The following DDX55 variants were observed in gnomAD, a reference collection of about 807,000 sequenced individuals.
The protein encoded by DDX55 is ATP-dependent RNA helicase DDX55.
DDX55 carries 56 observed loss-of-function variants against 69.2 expected under a neutral mutation model. That is an observed-to-expected ratio of 0.81 (90% confidence interval 0.65 to 1.01). The LOEUF is 1.01. Among genes scored for constraint, DDX55 ranks in the 50% least tolerant of loss-of-function variants. DDX55 has a pLI of 0.00. For missense variants in DDX55, 720 were observed against 745.1 expected, an observed-to-expected ratio of 0.97 and a Z score of 0.39; for synonymous variants, 268 against 273.1, an observed-to-expected ratio of 0.98 and a Z score of 0.18.
intron 8 of DDX55, 85 bp from the exon 9 acceptor site, chr12:123,615,100 T>G: frequency 6.3e-7 from 1 of 1,578,488 alleles, no homozygotes; most frequent in African/African-American, 1.4e-5. Context: ...TTGCGTCTGC[T>G]GCAGCTATTG....
Position 123,602,181 on chromosome 12 carries a change from G to C in DDX55, c.33G>C (p.Ser11=), listed in dbSNP as rs986350685. 1.3e-6 allele frequency: 2 copies of C among 1,565,724 alleles called. No individual in the cohort carries two copies. Among genetic ancestry groups the C allele is most frequent in the Non-Finnish European group, 1.7e-6 (2 of 1,157,578 alleles). ...ATGTGACAGAGGGCTCCTGGGAGTC[G>C]CTGCCTGTGCCGCTGCACCCGCAGG... The part of the protein sequence containing the change: MEHVTEGSWE[S]LPVPLHPQVL... The change falls in exon 1 of 14, where the codon TCG becomes TCC. Residue 11 remains serine, a synonymous_variant. Coordinates refer to ENST00000238146, the MANE Select transcript of DDX55 (RefSeq NM_020936.3).
At position 123,620,200 on chromosome 12, in the gene DDX55, C is replaced by A; in HGVS notation, c.*60C>A. The A allele has an allele frequency of 6.6e-7, 1 of 1,518,132 alleles. No homozygotes were observed. The highest frequency in any genetic ancestry group is 8.9e-7 in the Non-Finnish European group (1 of 1,124,786). The allele number at this position is 1,518,132 out of a possible 1,614,324, so 94.0% of individuals were successfully genotyped here. A position where few individuals can be genotyped will look rare whatever the true frequency, so the allele number is the denominator to read the frequency against. On this transcript the variant is annotated 3_prime_UTR_variant, in exon 14 of 14. Transcript: ENST00000238146. ...CTGTTCCCTAACTTGGTGGATGGCT[C>A]CAGTTTGCTTTTAACGAAAATCACA... is the stretch of plus-strand genomic sequence containing the variant.
chr12:123,609,112 C>A (rs1343757578), intron 6 of DDX55, among the ~76,000 whole-genome samples: 2 of 151,996 alleles, frequency 1.3e-5, no homozygotes, highest in South Asian at 2.1e-4. Flanking sequence ...CACCACCATG[C>A]CTGGATGGTT....
intron 7 of DDX55, among the ~76,000 whole-genome samples, chr12:123,611,862 G>A (rs958984207): frequency 1.3e-5 from 2 of 152,204 alleles, no homozygotes; most frequent in African/African-American, 4.8e-5. Context: ...ATGGGCGCTA[G>A]AGCAGGACTG....
chr12:123,606,105 C>T lies in DDX55; in HGVS notation c.192C>T (p.Val64=). ...VTGSGKTLAF[V]IPILEILLRR... is the part of the protein sequence containing the mutation. Reference sequence around the variant, plus strand: ...GTAGTGGCAAAACACTCGCTTTTGTCATCCCCATCCTGGAAATTCTTCTGA... The same window carrying T: ...GTAGTGGCAAAACACTCGCTTTTGTTATCCCCATCCTGGAAATTCTTCTGA... Residue 64 remains valine, a synonymous_variant, in exon 3 of 14, where the codon GTC becomes GTT. Coordinates refer to ENST00000238146, the MANE Select transcript of DDX55 (RefSeq NM_020936.3). 7 of 1,614,132 alleles carry T rather than the reference C, an allele frequency of 4.3e-6. No individual in the cohort carries two copies. Among genetic ancestry groups the T allele is most frequent in the Non-Finnish European group, 5.9e-6 (7 of 1,180,030 alleles).
At chr12:123,605,053 T>G (rs1425743503) in intron 1 of DDX55, 1 of 152,282 alleles carries the variant, frequency 6.6e-6, no homozygotes, top group Admixed American at 6.6e-5. Context: ...AGGGTTTTGC[T>G]CTGTTACCCG....
chr12:123,619,747 T>C (rs1304589519), intron 13 of DDX55, 23 bp downstream of exon 13: 46 of 1,554,564 alleles, frequency 3.0e-5, no homozygotes, highest in Non-Finnish European at 3.7e-5. Flanking sequence ...TTTACTTACA[T>C]TAACTTAGAA....
intron 5 of DDX55, 28 bp downstream of exon 5, chr12:123,607,690 TTTGC>T (rs1174566811): frequency 2.5e-6 from 4 of 1,613,986 alleles, no homozygotes; most frequent in Middle Eastern, 1.6e-4. Context: ...TGCTTGTTTC[TTTGC>T]TTGCTTTTGG....
At chr12:123,607,558 CT>C in intron 4 of DDX55, 35 bp downstream of exon 4, 1 of 1,614,176 alleles carries the variant, frequency 6.2e-7, no homozygotes, top group Middle Eastern at 1.6e-4. Flanking sequence ...TAGTCATGGG[CT>C]GTTTTGTCGA....
chr12:123,617,750 T>C lies in DDX55; in HGVS notation c.1050-8T>C, dbSNP rs1386447037. 6 of 1,607,340 alleles carry C rather than the reference T, an allele frequency of 3.7e-6. No individual in the cohort carries two copies. The highest frequency in any genetic ancestry group is 5.1e-6 in the Non-Finnish European group (6 of 1,176,772). ...CTGGGTACCCATTTCCACCCTGTGT[T>C]CTCACAGTGCCTTCGTGCATCGCTG... On this transcript the variant is annotated splice_region_variant and splice_polypyrimidine_tract_variant and intron_variant, in intron 10 of 13. Coordinates refer to ENST00000238146, the MANE Select transcript of DDX55 (RefSeq NM_020936.3).
At chr12:123,619,257 C>A (rs996820835) in intron 12 of DDX55, among the ~76,000 whole-genome samples, 175 bp from the exon 13 acceptor site, 1 of 152,232 alleles carries the variant, frequency 6.6e-6, no homozygotes, top group African/African-American at 2.4e-5. Context: ...CCCACCTCGG[C>A]CTCGCAAAGT....
At chr12:123,616,780 A>G in intron 10 of DDX55, 177 bp downstream of exon 10, 1 of 686,372 alleles carries the variant, frequency 1.5e-6, no homozygotes, top group Non-Finnish European at 2.6e-6. Flanking sequence ...AACAGTTTTG[A>G]AATGGTTTGA....
rs1954040044 is a variant in DDX55, at chr12:123,608,830, G to A, written c.551+1G>A. ...TTCTGGACATGGGGTTTGAGGCAAGGTACTGGACTTTGGACTTCACTGGCT... is the reference window on the plus strand; with the variant it reads ...TTCTGGACATGGGGTTTGAGGCAAGATACTGGACTTTGGACTTCACTGGCT... On this transcript the variant is annotated splice_donor_variant, in intron 6 of 13. Transcript: ENST00000238146. LOFTEE classifies it high-confidence loss of function. 4 of 1,612,762 alleles carry A rather than the reference G, an allele frequency of 2.5e-6. No homozygotes were observed. Among genetic ancestry groups the A allele is most frequent in the East Asian group, 2.2e-5 (1 of 44,872 alleles).
At position 123,620,602 on chromosome 12, in the gene DDX55, AT is replaced by A. The variant is rs1566211038; in HGVS notation, c.*463del. The A allele has an allele frequency of 2.0e-4, 15 of 74,052 alleles. 1 individual carries two copies. Among genetic ancestry groups the A allele is most frequent in the Non-Finnish European group, 4.4e-4 (13 of 29,834 alleles). The allele number at this position is 74,052 out of a possible 1,614,324, so 4.6% of individuals were successfully genotyped here. A position where few individuals can be genotyped will look rare whatever the true frequency, so the allele number is the denominator to read the frequency against. On this transcript the variant is annotated 3_prime_UTR_variant, in exon 14 of 14. Transcript: ENST00000238146. ...ATATTATATATATATATATATATATATATATATATATATATATATATATATA... is the reference window on the plus strand; with the variant it reads ...ATATTATATATATATATATATATATAATATATATATATATATATATATATA...
Position 123,618,651 on chromosome 12 carries a change from G to C in DDX55, c.1165-18G>C. 1 of 1,608,918 alleles carries C rather than the reference G, an allele frequency of 6.2e-7. No individual in the cohort carries two copies. Among genetic ancestry groups the C allele is most frequent in the East Asian group, 2.2e-5 (1 of 44,790 alleles). ...GCCAGCCAGGGAAGGTGAGAATGTG[G>C]TATGTGTGTGTGTGTAGTGCCCCCT... On this transcript the variant is annotated intron_variant, in intron 11 of 13. Transcript: ENST00000238146.
At chr12:123,617,999 G>C (rs1463646547) in intron 11 of DDX55, 127 bp downstream of exon 11, 2 of 836,774 alleles carry the variant, frequency 2.4e-6, no homozygotes, top group Non-Finnish European at 1.9e-6. Flanking sequence ...TGGTGGCAGT[G>C]GGGGGCCCTG....
At chr12:123,616,889 C>A (rs890808421) in intron 10 of DDX55, 1 of 348,518 alleles carries the variant, frequency 2.9e-6, no homozygotes, top group Non-Finnish European at 5.5e-6. Flanking sequence ...CGCGGTGGCT[C>A]ACGCCTGTAA....
intron 1 of DDX55, among the ~76,000 whole-genome samples, chr12:123,602,791 A>G (rs1953647549): frequency 1.3e-5 from 2 of 152,198 alleles, no homozygotes; most frequent in South Asian, 4.1e-4. Flanking sequence ...CAAGAGCTAG[A>G]GAAAGGATAA....
chr12:123,614,177 C>A (rs1954484056), intron 8 of DDX55, among the ~76,000 whole-genome samples: 1 of 152,118 alleles, frequency 6.6e-6, no homozygotes, highest in African/African-American at 2.4e-5. Context: ...CTGTTCTACT[C>A]CAGCTGTTAA....
Sources: allele counts gnomAD v4.1 joint callset (sites outside exome capture counted in the v4.1 genomes callset), GRCh38; gene constraint gnomAD v4.1.1; transcripts MANE v1.5; gene names NCBI Gene and HGNC (gene_info 2026-07-23, HGNC 2026-07-21).